NRP1: variants seen among roughly 807,000 people sequenced by gnomAD.
The protein encoded by NRP1 is neuropilin 1.
NRP1 carries 35 observed loss-of-function variants against 106.7 expected under a neutral mutation model. The observed-to-expected ratio is 0.33, with a 90% CI of 0.25 to 0.43. The LOEUF (loss-of-function observed/expected upper bound fraction) is 0.43. NRP1 is among the 20% of genes least tolerant of loss of function. The pLI, the probability that NRP1 is intolerant of heterozygous loss-of-function variation, is 1.00. For missense variants in NRP1, 1,024 were observed against 1,170.4 expected (o/e 0.87, Z 1.83); for synonymous variants, 437 against 417.9 (o/e 1.05, Z -0.56).
intron 7 of NRP1, among the ~76,000 whole-genome samples, chr10:33,225,372 C>T (rs74557547): frequency 0.01 from 1,566 of 152,312 alleles, 28 homozygotes; most frequent in African/African-American, 0.035. Flanking sequence ...TGGATCTTTG[C>T]TCCTATCCTC....
At chr10:33,196,940 A>G (rs1836828425) in intron 12 of NRP1, among the ~76,000 whole-genome samples, 1 of 152,180 alleles carries the variant, frequency 6.6e-6, no homozygotes, top group Non-Finnish European at 1.5e-5. Flanking sequence ...ACTTTAAAGT[A>G]TTTAAAACCT....
At chr10:33,216,636 C>T (rs11009299) in intron 8 of NRP1, among the ~76,000 whole-genome samples, 42,150 of 149,208 alleles carry the variant, frequency 0.28, 6,327 homozygotes, top group East Asian at 0.62. Context: ...TTTTTTTGGT[C>T]TCGCTATGTT....
rs1229106217 is a variant in NRP1, at chr10:33,324,645, C to CT, written c.248+6062dup. 3.4e-4 allele frequency among the ~76,000 whole-genome samples: 51 copies of CT among 151,196 alleles called. No individual in the cohort carries two copies. The East Asian group carries it at 9.5e-3, about 28-fold the overall frequency. ...GTTCAAGGATAGTACCCACAGGCTT[C>CT]TTTTTTTTGAGACGGAGTTTTGCTC... On this transcript the variant is annotated intron_variant, in intron 2 of 16. Transcript: ENST00000374867.
At chr10:33,325,883 T>C (rs1388755159) in intron 2 of NRP1, among the ~76,000 whole-genome samples, 2 of 152,206 alleles carry the variant, frequency 1.3e-5, no homozygotes, top group African/African-American at 2.4e-5. Flanking sequence ...AACTGTGCCA[T>C]GATATGAAAC....
intron 2 of NRP1, among the ~76,000 whole-genome samples, chr10:33,294,970 A>G (rs1430512820): frequency 6.6e-6 from 1 of 152,222 alleles, no homozygotes; most frequent in East Asian, 1.9e-4. Flanking sequence ...ACTTTGGGCA[A>G]TGGGTCTCAA....
chr10:33,315,494 C>A (rs1846960472), intron 2 of NRP1, among the ~76,000 whole-genome samples: 1 of 152,202 alleles, frequency 6.6e-6, no homozygotes, highest in Non-Finnish European at 1.5e-5. Flanking sequence ...GGAGAAGACT[C>A]ACTGGATGTC....
intron 13 of NRP1, among the ~76,000 whole-genome samples, chr10:33,190,079 G>A (rs1438779366): frequency 6.6e-6 from 1 of 152,216 alleles, no homozygotes; most frequent in Non-Finnish European, 1.5e-5. Flanking sequence ...TCTACGACAA[G>A]CTCTCCTTCT....
In NRP1 at chr10:33,192,308, T is replaced by G; in HGVS notation, c.2035A>C (p.Lys679Gln). 1 of 1,613,770 alleles carries G rather than the reference T, an allele frequency of 6.2e-7. No individual in the cohort carries two copies. Among genetic ancestry groups the G allele is most frequent in the Non-Finnish European group, 8.5e-7 (1 of 1,179,794 alleles). ...VQLKWSVLTSKTGPIQDHTGD... is the reference protein window; with the variant it reads ...VQLKWSVLTSQTGPIQDHTGD... ...GTGTGATCCTGAATGGGTCCCGTCT[T>G]GCTGGTCAACACACTCCACTTGAGC... Residue 679 changes from lysine (K) to glutamine (Q), a missense_variant, in exon 13 of 17, where the codon AAG becomes CAG. By Grantham distance (53) the Lys-to-Gln change is moderately conservative. Transcript: ENST00000374867.
chr10:33,293,857 C>T (rs1845185435), intron 2 of NRP1, among the ~76,000 whole-genome samples: 1 of 152,184 alleles, frequency 6.6e-6, no homozygotes. Flanking sequence ...TCTGAATATC[C>T]ATGTGAATGA....
chr10:33,243,239 C>A (rs1433249131), intron 6 of NRP1, among the ~76,000 whole-genome samples: 5 of 152,240 alleles, frequency 3.3e-5, no homozygotes, highest in South Asian at 2.1e-4. Context: ...GAAAAAAAAT[C>A]TTGTTAATTA....
chr10:33,331,534 G>T (rs1165559599), intron 1 of NRP1, among the ~76,000 whole-genome samples: 1 of 152,188 alleles, frequency 6.6e-6, no homozygotes. Flanking sequence ...TTGGAGATCG[G>T]ATCAAAGCAA....
chr10:33,322,051 G>A (rs4934914), intron 2 of NRP1, among the ~76,000 whole-genome samples: 13,062 of 152,174 alleles, frequency 0.086, 769 homozygotes, highest in East Asian at 0.29. Context: ...TGCAAGGATC[G>A]AAACTGTATG....
chr10:33,262,287 T>C (rs193278685), intron 4 of NRP1, among the ~76,000 whole-genome samples: 226 of 152,330 alleles, frequency 1.5e-3, no homozygotes, highest in Non-Finnish European at 2.9e-3. Flanking sequence ...AATTTCACTG[T>C]GTATTTTTGC....
chr10:33,267,710 T>C (rs1242859992), intron 3 of NRP1, among the ~76,000 whole-genome samples: 1 of 152,072 alleles, frequency 6.6e-6, no homozygotes, highest in Non-Finnish European at 1.5e-5. Flanking sequence ...TTGAGTTTCC[T>C]AGAGAAATCT....
chr10:33,182,913 A>G (rs959114595), intron 15 of NRP1, among the ~76,000 whole-genome samples, 165 bp from the exon 16 acceptor site: 1 of 152,102 alleles, frequency 6.6e-6, no homozygotes, highest in Non-Finnish European at 1.5e-5. Context: ...AAATCACCAA[A>G]CAGATCAATA....
chr10:33,260,592 G>A (rs1283763394), intron 4 of NRP1, among the ~76,000 whole-genome samples: 2 of 152,100 alleles, frequency 1.3e-5, no homozygotes, highest in African/African-American at 2.4e-5. Flanking sequence ...CTTCCAGCAT[G>A]TACCCGGGCA....
At chr10:33,307,875 A>T (rs1846281138) in intron 2 of NRP1, among the ~76,000 whole-genome samples, 1 of 152,192 alleles carries the variant, frequency 6.6e-6, no homozygotes, top group Admixed American at 6.5e-5. Flanking sequence ...GTATATACCC[A>T]AAGGAATATA....
chr10:33,270,445 G>T (rs1488773982), intron 3 of NRP1, among the ~76,000 whole-genome samples: 1 of 151,592 alleles, frequency 6.6e-6, no homozygotes, highest in African/African-American at 2.4e-5. Context: ...TCCCGCCTTA[G>T]CCTCCTGAGT....
At chr10:33,319,764 T>C (rs1847340837) in intron 2 of NRP1, among the ~76,000 whole-genome samples, 1 of 151,362 alleles carries the variant, frequency 6.6e-6, no homozygotes, top group Non-Finnish European at 1.5e-5. Flanking sequence ...TTTTTTGTAT[T>C]TTTAGTGGAG....
Sources: allele counts gnomAD v4.1 joint callset (sites outside exome capture counted in the v4.1 genomes callset), GRCh38; gene constraint gnomAD v4.1.1; transcripts MANE v1.5; gene names NCBI Gene and HGNC (gene_info 2026-07-23, HGNC 2026-07-21).